Variants in ANKRD44 observed in about 807,000 individuals in gnomAD.
ANKRD44 encodes ankyrin repeat domain 44, also known as serine/threonine-protein phosphatase 6 regulatory ankyrin repeat subunit B.
A neutral mutation model predicts 116.0 loss-of-function variants in ANKRD44; 35 were observed. That is an observed-to-expected ratio of 0.30 (90% confidence interval 0.23 to 0.40). ANKRD44 has a LOEUF of 0.40. Among genes scored for constraint, ANKRD44 ranks in the 10% least tolerant of loss-of-function variants. ANKRD44 has a pLI of 1.00. For missense variants in ANKRD44, 1,014 were observed against 1,242.6 expected, an observed-to-expected ratio of 0.82 and a Z score of 2.77; for synonymous variants, 435 against 461.8, an observed-to-expected ratio of 0.94 and a Z score of 0.74.
intron 20 of ANKRD44, among the ~76,000 whole-genome samples, chr2:197,006,398 T>C (rs1160195211): frequency 6.6e-6 from 1 of 152,098 alleles, no homozygotes; most frequent in Non-Finnish European, 1.5e-5. Flanking sequence ...TGAGCCCACA[T>C]TGCGCCACTG....
chr2:197,185,006 C>G (rs994736077), intron 2 of ANKRD44, among the ~76,000 whole-genome samples: 5 of 152,164 alleles, frequency 3.3e-5, no homozygotes, highest in Non-Finnish European at 2.9e-5. Context: ...GTATGTATGA[C>G]AGAACAAAAG....
intron 9 of ANKRD44, among the ~76,000 whole-genome samples, chr2:197,101,257 G>A (rs564833735): frequency 1.5e-4 from 22 of 151,098 alleles, no homozygotes; most frequent in South Asian, 1.0e-3. Context: ...TTCTCATGTC[G>A]TTGATATTAT....
At chr2:197,121,583 G>A (rs1416791255) in intron 7 of ANKRD44, 39 bp from the exon 8 acceptor site, 5 of 1,560,668 alleles carry the variant, frequency 3.2e-6, no homozygotes, top group Non-Finnish European at 4.4e-6. Flanking sequence ...AAAGTCATTA[G>A]AGCCAGTTTA....
chr2:197,043,032 T>C (rs1473993388), intron 16 of ANKRD44, among the ~76,000 whole-genome samples: 1 of 152,202 alleles, frequency 6.6e-6, no homozygotes, highest in Non-Finnish European at 1.5e-5. Context: ...TTAATTAGCT[T>C]GTTGAACAGC....
chr2:197,008,795 T>C (rs1014993367), intron 19 of ANKRD44, 149 bp downstream of exon 19: 6 of 659,062 alleles, frequency 9.1e-6, no homozygotes, highest in Non-Finnish European at 1.3e-5. Flanking sequence ...CACTGTGACT[T>C]AAAGCCACCT....
chr2:197,003,981 G>C (rs2125904616), intron 21 of ANKRD44, among the ~76,000 whole-genome samples: 1 of 151,308 alleles, frequency 6.6e-6, no homozygotes, highest in Non-Finnish European at 1.5e-5. Context: ...GATATAATTA[G>C]AACACACACA....
intron 27 of ANKRD44, chr2:196,992,760 T>C (rs1246057229): frequency 6.6e-6 from 1 of 152,670 alleles, no homozygotes; most frequent in African/African-American, 2.4e-5. Flanking sequence ...TGATAATCAG[T>C]ATGGCTGCTT....
chr2:197,305,682 T>C (rs976998961), intron 1 of ANKRD44, among the ~76,000 whole-genome samples: 1 of 152,074 alleles, frequency 6.6e-6, no homozygotes, highest in African/African-American at 2.4e-5. Context: ...TGTGCTGGCG[T>C]TGGCTAAAGA....
intron 2 of ANKRD44, among the ~76,000 whole-genome samples, chr2:197,176,920 T>TATAATAATA (rs56232373): frequency 3.3e-5 from 5 of 150,658 alleles, no homozygotes; most frequent in African/African-American, 9.8e-5. Context: ...GTTTCAAGGG[T>TATAATAATA]ATAATAATAA....
chr2:197,163,666 G>A (rs961115804), intron 2 of ANKRD44, among the ~76,000 whole-genome samples: 1 of 152,186 alleles, frequency 6.6e-6, no homozygotes, highest in East Asian at 1.9e-4. Flanking sequence ...GGACTGGGGA[G>A]CAGAAGGTTA....
At chr2:197,186,610 T>TTC (rs2080671103) in intron 2 of ANKRD44, among the ~76,000 whole-genome samples, 1 of 100,368 alleles carries the variant, frequency 1.0e-5, no homozygotes. Flanking sequence ...CGGCTAATTT[T>TTC]TCTTTTTTTT....
chr2:197,026,213 C>A (rs1469311549), intron 16 of ANKRD44, among the ~76,000 whole-genome samples: 1 of 152,190 alleles, frequency 6.6e-6, no homozygotes, highest in Non-Finnish European at 1.5e-5. Flanking sequence ...CTGTTCCCTG[C>A]ACTGATAATT....
chr2:197,110,651 G>T, intron 9 of ANKRD44, 115 bp downstream of exon 9: 3 of 817,106 alleles, frequency 3.7e-6, no homozygotes, highest in Non-Finnish European at 6.4e-6. Context: ...TTATGTAATT[G>T]CATGCTTACT....
intron 2 of ANKRD44, chr2:197,147,786 G>A (rs150392409): frequency 7.0e-5 from 29 of 417,040 alleles, no homozygotes; most frequent in Middle Eastern, 4.3e-4. Context: ...ATAAAACACC[G>A]TATGGGATTA....
chr2:196,977,001 TA>T (rs1231901209), intron 21 of ANKRD44, among the ~76,000 whole-genome samples: 1 of 152,124 alleles, frequency 6.6e-6, no homozygotes, highest in Non-Finnish European at 1.5e-5. Context: ...GATCAATTTT[TA>T]AAAAACAATT....
intron 2 of ANKRD44, among the ~76,000 whole-genome samples, chr2:197,186,011 C>T (rs1238511686): frequency 6.6e-6 from 1 of 152,192 alleles, no homozygotes; most frequent in Non-Finnish European, 1.5e-5. Context: ...ATGAGTATGG[C>T]CGTGTTCCAA....
chr2:197,046,879 A>G (rs915483004), intron 16 of ANKRD44, among the ~76,000 whole-genome samples: 2 of 152,240 alleles, frequency 1.3e-5, no homozygotes, highest in African/African-American at 2.4e-5. Flanking sequence ...ATGAATAGAA[A>G]TTAATTTCAA....
intron 12 of ANKRD44, among the ~76,000 whole-genome samples, chr2:197,087,675 C>A (rs527612877): frequency 6.6e-6 from 1 of 152,152 alleles, no homozygotes; most frequent in Non-Finnish European, 1.5e-5. Context: ...AGAAATAGCT[C>A]TTTCAATCAT....
Position 197,310,702 on chromosome 2 carries a change from A to C in ANKRD44, c.-98T>G. ...GGAAGGGATTGCCAGGAGAAGGGAA[A>C]AAATCTGGCTCCCGAATTTGACAGC... On this transcript the variant is annotated 5_prime_UTR_variant, in exon 1 of 28. Coordinates refer to ENST00000282272, the MANE Select transcript of ANKRD44 (RefSeq NM_001195144.2). 1 of 1,215,270 alleles carries C rather than the reference A, an allele frequency of 8.2e-7. No homozygotes were observed. Among genetic ancestry groups the C allele is most frequent in the Admixed American group, 3.2e-5 (1 of 31,310 alleles). The allele number at this position is 1,215,270 out of a possible 1,614,324, so 75.3% of individuals were successfully genotyped here.
Sources: gnomAD v4.1 joint callset for allele counts (sites outside exome capture counted in the v4.1 genomes callset) on GRCh38, gnomAD v4.1.1 for gene constraint, MANE v1.5 for transcripts, NCBI Gene and HGNC (gene_info 2026-07-23, HGNC 2026-07-21) for gene names.